The following UBE3C variants were observed in gnomAD, a reference collection of about 807,000 sequenced individuals.
UBE3C encodes ubiquitin protein ligase E3C.
UBE3C carries 42 observed loss-of-function variants against 129.4 expected under a neutral mutation model. The observed-to-expected ratio is 0.32, with a 90% CI of 0.25 to 0.42. The LOEUF is 0.42. Ranked by LOEUF, UBE3C falls within the 10% of genes least tolerant of loss-of-function variation. The pLI is 1.00. For missense variants in UBE3C, 1,049 were observed against 1,319.1 expected (o/e 0.80, Z 3.17); for synonymous variants, 510 against 492.4 (o/e 1.04, Z -0.47).
At chr7:157,217,866 A>T (rs2117037763) in intron 14 of UBE3C, among the ~76,000 whole-genome samples, 1 of 151,898 alleles carries the variant, frequency 6.6e-6, no homozygotes, top group Admixed American at 6.6e-5. Context: ...GAAAGAAAAT[A>T]CAAATATTAG....
intron 10 of UBE3C, among the ~76,000 whole-genome samples, chr7:157,194,192 T>C (rs1361327091): frequency 9.2e-5 from 14 of 152,236 alleles, no homozygotes; most frequent in Admixed American, 5.9e-4. Context: ...CTGGCTGTTA[T>C]ACATTATACA....
At chr7:157,184,867 A>T (rs116013775) in intron 9 of UBE3C, among the ~76,000 whole-genome samples, 1,944 of 152,266 alleles carry the variant, frequency 0.013, 43 homozygotes, top group African/African-American at 0.045. Flanking sequence ...AAAATAAGAG[A>T]AGACAAAGAA....
At chr7:157,259,610 A>G (rs369417842) in intron 22 of UBE3C, among the ~76,000 whole-genome samples, 2 of 152,212 alleles carry the variant, frequency 1.3e-5, no homozygotes, top group East Asian at 3.8e-4. Context: ...TGCTAAGTGA[A>G]CGAAGCAAGA....
chr7:157,193,816 C>T (rs1483975516), intron 10 of UBE3C, among the ~76,000 whole-genome samples: 2 of 152,128 alleles, frequency 1.3e-5, no homozygotes, highest in Non-Finnish European at 1.5e-5. Context: ...AAGATGACTG[C>T]AGTAGTAAAA....
intron 1 of UBE3C, among the ~76,000 whole-genome samples, chr7:157,150,370 C>A (rs1482981855): frequency 6.6e-6 from 1 of 150,666 alleles, no homozygotes; most frequent in African/African-American, 2.4e-5. Flanking sequence ...CAGGGCAAGA[C>A]TCTGTCTCAA....
At chr7:157,204,876 G>A (rs887388930) in intron 11 of UBE3C, among the ~76,000 whole-genome samples, 5 of 152,158 alleles carry the variant, frequency 3.3e-5, no homozygotes, top group East Asian at 1.9e-4. Flanking sequence ...GCAAGAATCC[G>A]TTCTTAAAAG....
Position 157,193,276 on chromosome 7 carries a change from AAAG to A in UBE3C, c.1331+6258_1331+6260del, listed in dbSNP as rs575831530. ...GAAGTGTCCAGTAATATTTTTTTAA[AAAG>A]AAAAATTTCAGAAGAACAAATTATT... On this transcript the variant is annotated intron_variant, in intron 10 of 22. Coordinates refer to ENST00000348165, the MANE Select transcript of UBE3C (RefSeq NM_014671.3). Among the ~76,000 whole-genome samples, 26 of 123,884 alleles carry A rather than the reference AAAG, an allele frequency of 2.1e-4. No individual in the cohort carries two copies. In the South Asian group the frequency reaches 4.2e-3, roughly 20 times the overall value. 81.3% of individuals were successfully genotyped at this position (123,884 alleles called of 152,430 possible). A position where few individuals can be genotyped will look rare whatever the true frequency, so the allele number is the denominator to read the frequency against.
At chr7:157,234,711 TATC>T (rs1276883157) in intron 18 of UBE3C, among the ~76,000 whole-genome samples, 1 of 152,230 alleles carries the variant, frequency 6.6e-6, no homozygotes, top group African/African-American at 2.4e-5. Context: ...GTATGTGTTA[TATC>T]ATCATCTTCA....
chr7:157,212,069 A>C (rs1294627368), intron 13 of UBE3C, among the ~76,000 whole-genome samples: 1 of 152,228 alleles, frequency 6.6e-6, no homozygotes, highest in Non-Finnish European at 1.5e-5. Flanking sequence ...GTAAAAATCC[A>C]TTCTCATTTG....
At chr7:157,202,096 C>T (rs540665279) in intron 11 of UBE3C, among the ~76,000 whole-genome samples, 162 of 152,186 alleles carry the variant, frequency 1.1e-3, no homozygotes, top group African/African-American at 3.8e-3. Context: ...TTGCTTTGCT[C>T]CATATGACTT....
At chr7:157,148,866 CAGCCTCCTGAG>C (rs1437902937) in intron 1 of UBE3C, among the ~76,000 whole-genome samples, 1 of 151,444 alleles carries the variant, frequency 6.6e-6, no homozygotes, top group East Asian at 1.9e-4. Context: ...TCTCCTGCCT[CAGCCTCCTGAG>C]GAGCTGGAAC....
chr7:157,142,243 T>A (rs984697371), intron 1 of UBE3C, among the ~76,000 whole-genome samples: 1 of 152,240 alleles, frequency 6.6e-6, no homozygotes, highest in Non-Finnish European at 1.5e-5. Context: ...TGTCTTAAAT[T>A]ATTATTTGAA....
intron 22 of UBE3C, among the ~76,000 whole-genome samples, chr7:157,266,990 C>G (rs1797095299): frequency 6.6e-6 from 1 of 152,194 alleles, no homozygotes; most frequent in Admixed American, 6.5e-5. Flanking sequence ...CATCCCCCAG[C>G]TAGGCCTCCC....
intron 21 of UBE3C, among the ~76,000 whole-genome samples, chr7:157,254,938 A>G (rs1176548934): frequency 1.2e-5 from 1 of 86,274 alleles, no homozygotes; most frequent in Non-Finnish European, 2.2e-5. Context: ...GTACACCTGC[A>G]GTCCCGGCGT....
chr7:157,259,352 G>C (rs1009581693), intron 22 of UBE3C, among the ~76,000 whole-genome samples: 2 of 152,228 alleles, frequency 1.3e-5, no homozygotes, highest in African/African-American at 4.8e-5. Context: ...TTTTCAAGGG[G>C]TGCAGGCAAG....
At chr7:157,266,174 C>T (rs1342383966) in intron 22 of UBE3C, among the ~76,000 whole-genome samples, 2 of 151,918 alleles carry the variant, frequency 1.3e-5, no homozygotes, top group African/African-American at 4.8e-5. Context: ...ATTAGCCGGG[C>T]GTGGTGGCGG....
At chr7:157,188,758 A>G (rs1380700605) in intron 10 of UBE3C, among the ~76,000 whole-genome samples, 2 of 146,988 alleles carry the variant, frequency 1.4e-5, no homozygotes, top group South Asian at 4.4e-4. Context: ...AGAAAGAGCA[A>G]GTAGGCTTAC....
At chr7:157,248,887 C>T (rs116075039) in intron 19 of UBE3C, among the ~76,000 whole-genome samples, 2,043 of 152,248 alleles carry the variant, frequency 0.013, 48 homozygotes, top group African/African-American at 0.047. Context: ...TGGGGGTGGC[C>T]GTTCAGCAGC....
At chr7:157,197,547 T>C in intron 10 of UBE3C, 2 of 1,172,880 alleles carry the variant, frequency 1.7e-6, no homozygotes, top group Non-Finnish European at 2.4e-6. Flanking sequence ...ATTGTCCTTA[T>C]TAATACGACA....
Sources: gnomAD v4.1 joint callset for allele counts (sites outside exome capture counted in the v4.1 genomes callset) on GRCh38, gnomAD v4.1.1 for gene constraint, MANE v1.5 for transcripts, NCBI Gene and HGNC (gene_info 2026-07-23, HGNC 2026-07-21) for gene names.